Variants in LHPP observed in about 807,000 individuals in gnomAD.
LHPP encodes hLHPP.
A neutral mutation model predicts 30.3 loss-of-function variants in LHPP; 24 were observed. The observed-to-expected ratio is 0.79, with a 90% confidence interval of 0.57 to 1.11. The LOEUF (loss-of-function observed/expected upper bound fraction) is 1.11. Among genes scored for constraint, LHPP ranks in the 50% most tolerant of loss-of-function variants. The pLI is 0.00. For synonymous variants in LHPP, 150 were observed against 157.1 expected (o/e 0.95, Z 0.34); for missense variants, 356 against 367.2 (o/e 0.97, Z 0.25).
At chr10:124,582,625 A>C (rs1948756789) in intron 6 of LHPP, among the ~76,000 whole-genome samples, 1 of 152,238 alleles carries the variant, frequency 6.6e-6, no homozygotes, top group Non-Finnish European at 1.5e-5. Flanking sequence ...TACTGAAAAC[A>C]TAAACAATTG....
chr10:124,482,086 T>G (rs1219252070), intron 1 of LHPP, among the ~76,000 whole-genome samples: 11 of 152,202 alleles, frequency 7.2e-5, no homozygotes, highest in Non-Finnish European at 2.9e-5. Context: ...CATGGATAAA[T>G]TACATTCACA....
At chr10:124,583,667 T>G (rs1589693272) in intron 6 of LHPP, among the ~76,000 whole-genome samples, 1 of 151,984 alleles carries the variant, frequency 6.6e-6, no homozygotes, top group Admixed American at 6.6e-5. Flanking sequence ...GTGGTAGGGG[T>G]GCCGTATACT....
intron 6 of LHPP, 47 bp from the exon 7 acceptor site, chr10:124,613,217 A>G (rs1380774606): frequency 7.2e-7 from 1 of 1,390,262 alleles, no homozygotes; most frequent in Non-Finnish European, 1.0e-6. Context: ...GTGGCTGCAG[A>G]GGGGTCAGCG....
At chr10:124,472,369 A>T (rs1483466656) in intron 1 of LHPP, among the ~76,000 whole-genome samples, 1 of 152,122 alleles carries the variant, frequency 6.6e-6, no homozygotes, top group Admixed American at 6.5e-5. Context: ...ATATGCTTAG[A>T]AGTTTATGTG....
In LHPP at chr10:124,517,759, A is replaced by C. The variant is rs150591066; in HGVS notation, c.716+488A>C. 3.3e-4 allele frequency among the ~76,000 whole-genome samples: 51 copies of C among 152,248 alleles called. No homozygotes were observed. The East Asian group carries it at 8.1e-3, about 24-fold the overall frequency. ...TGCCCTGGAGCAGAACCTCCATCTC[A>C]AGAAGAAGGTTGTGTTTTATTTGCT... On this transcript the variant is annotated intron_variant, in intron 6 of 6. Coordinates refer to ENST00000368842, the MANE Select transcript of LHPP (RefSeq NM_022126.4). This position sits in a 1 kb window ranked among gnomAD's most constrained non-coding sequence, Gnocchi z 4.1.
At chr10:124,481,050 G>A (rs1411112527) in intron 1 of LHPP, among the ~76,000 whole-genome samples, 1 of 152,182 alleles carries the variant, frequency 6.6e-6, no homozygotes, top group East Asian at 1.9e-4. Context: ...TTCAGCAAAT[G>A]TTAATGGGGG....
chr10:124,481,195 T>A (rs1027750878), intron 1 of LHPP, among the ~76,000 whole-genome samples: 1 of 149,474 alleles, frequency 6.7e-6, no homozygotes, highest in African/African-American at 2.4e-5. Context: ...AGACACTGGT[T>A]AGTGTTACAA....
intron 5 of LHPP, among the ~76,000 whole-genome samples, chr10:124,507,943 A>G (rs980500588): frequency 7.4e-6 from 1 of 135,294 alleles, no homozygotes; most frequent in African/African-American, 2.8e-5. Context: ...TGAGGGCTGC[A>G]GTGATCTTCA....
chr10:124,548,273 C>T (rs1286293480), intron 6 of LHPP, among the ~76,000 whole-genome samples: 2 of 152,130 alleles, frequency 1.3e-5, no homozygotes, highest in Non-Finnish European at 2.9e-5. Flanking sequence ...GAACGCCATC[C>T]TCTGGTTCTT....
rs1046422221 is a variant in LHPP at position 124,501,601 on chromosome 10, TAA to T, written c.624+3492_624+3493del. Among the ~76,000 whole-genome samples the T allele has an allele frequency of 9.4e-4, 109 of 116,358 alleles. 1 individual carries two copies. The highest frequency in any genetic ancestry group is 2.1e-3 in the African/African-American group (63 of 30,308). 76.3% of individuals were successfully genotyped at this position (116,358 alleles called of 152,430 possible). A position where few individuals can be genotyped will look rare whatever the true frequency, so the allele number is the denominator to read the frequency against. On this transcript the variant is annotated intron_variant, in intron 5 of 6. Transcript: ENST00000368842. ...TGGGCGACAGAGCCAGACTCTGTCT[TAA>T]AAAAAAAAAAAAAAAAAAGAAAAAT...
intron 3 of LHPP, among the ~76,000 whole-genome samples, chr10:124,489,195 G>C (rs576993972): frequency 6.6e-6 from 1 of 152,314 alleles, no homozygotes; most frequent in Admixed American, 6.5e-5. Flanking sequence ...CAATACAGAT[G>C]AGCAAAAGAA....
In LHPP at chr10:124,576,399, T is replaced by C. The variant is rs1268400411; in HGVS notation, c.717-36865T>C. ...CCCAGGACCCCCCTTGCGGTACCCG[T>C]ATATCCCACCCCCAGACTCCTTTCC... On this transcript the variant is annotated intron_variant, in intron 6 of 6. Coordinates refer to ENST00000368842, the MANE Select transcript of LHPP (RefSeq NM_022126.4). This position sits in a 1 kb window ranked among gnomAD's most constrained non-coding sequence, Gnocchi z 4.2. Among the ~76,000 whole-genome samples the C allele has an allele frequency of 1.4e-5, 2 of 143,934 alleles. No homozygotes were observed. The highest frequency in any genetic ancestry group is 1.4e-4 in the Admixed American group (2 of 14,428). 94.4% of individuals were successfully genotyped at this position (143,934 alleles called of 152,430 possible).
intron 6 of LHPP, among the ~76,000 whole-genome samples, chr10:124,578,320 C>T (rs958055247): frequency 1.3e-5 from 2 of 152,226 alleles, no homozygotes; most frequent in African/African-American, 4.8e-5. Flanking sequence ...GGCGGCTCTG[C>T]GAGTCCCCAC....
At position 124,469,670 on chromosome 10, in the gene LHPP, T is replaced by C. The variant is rs181478269; in HGVS notation, c.125+7683T>C. ...ATTTTTTTTTCATTCATTCATTCCT[T>C]TACTCATACACTCAACAAGCAAACA... On this transcript the variant is annotated intron_variant, in intron 1 of 6. Coordinates refer to ENST00000368842, the MANE Select transcript of LHPP (RefSeq NM_022126.4). Among the ~76,000 whole-genome samples, 997 of 152,254 alleles carry C rather than the reference T, an allele frequency of 6.5e-3. 5 individuals are homozygous for C. Among genetic ancestry groups the C allele is most frequent in the Non-Finnish European group, 0.011 (723 of 68,008 alleles).
At chr10:124,578,092 C>A (rs1021796279) in intron 6 of LHPP, among the ~76,000 whole-genome samples, 1 of 152,216 alleles carries the variant, frequency 6.6e-6, no homozygotes, top group African/African-American at 2.4e-5. Context: ...GTCAGGCACA[C>A]ACCTGAGTCG....
chr10:124,535,008 C>T (rs1298753954), intron 6 of LHPP, among the ~76,000 whole-genome samples: 2 of 152,186 alleles, frequency 1.3e-5, no homozygotes, highest in Non-Finnish European at 1.5e-5. Flanking sequence ...CGCAGGCACC[C>T]GGGCTGTGGC....
intron 6 of LHPP, among the ~76,000 whole-genome samples, chr10:124,611,289 A>T (rs971007145): frequency 6.6e-6 from 1 of 152,040 alleles, no homozygotes; most frequent in Non-Finnish European, 1.5e-5. Context: ...AGTAGAACTC[A>T]GTCAGATCCC....
chr10:124,525,962 G>A (rs1338370135), intron 6 of LHPP, among the ~76,000 whole-genome samples: 2 of 152,168 alleles, frequency 1.3e-5, no homozygotes, highest in East Asian at 3.8e-4. Flanking sequence ...GTGGAGGCCG[G>A]GAGGTGGCTG....
intron 6 of LHPP, among the ~76,000 whole-genome samples, chr10:124,522,192 T>C (rs932641965): frequency 6.6e-6 from 1 of 152,110 alleles, no homozygotes; most frequent in Non-Finnish European, 1.5e-5. Context: ...CACAAAGCTT[T>C]CTTTTCATAC....
Sources: gnomAD v4.1 joint callset for allele counts (sites outside exome capture counted in the v4.1 genomes callset) on GRCh38, gnomAD v4.1.1 for gene constraint, Gnocchi (gnomAD v3.1) non-coding constraint, MANE v1.5 for transcripts, NCBI Gene and HGNC (gene_info 2026-07-23, HGNC 2026-07-21) for gene names.